Variants in GRIK2 observed in about 807,000 individuals in gnomAD.
GRIK2 encodes the protein glutamate receptor ionotropic, kainate 2.
In GRIK2, 32 loss-of-function variants were observed where a neutral mutation model predicts 100.3. The observed-to-expected ratio is 0.32, with a 90% CI of 0.24 to 0.43. GRIK2 has a LOEUF of 0.43. GRIK2 is among the 20% of genes least tolerant of loss of function. The pLI, the probability that GRIK2 is intolerant of heterozygous loss-of-function variation, is 1.00. For missense variants in GRIK2, 843 were observed against 1,114.9 expected (o/e 0.76, Z 3.47); for synonymous variants, 417 against 389.4 (o/e 1.07, Z -0.83).
At chr6:102,002,757 C>T (rs932312653) in intron 14 of GRIK2, among the ~76,000 whole-genome samples, 2 of 150,512 alleles carry the variant, frequency 1.3e-5, no homozygotes, top group Non-Finnish European at 1.5e-5. Context: ...ATAAAAAAAA[C>T]TCTCATTACA....
intron 14 of GRIK2, among the ~76,000 whole-genome samples, chr6:101,983,109 G>T (rs758571006): frequency 6.6e-6 from 1 of 151,834 alleles, no homozygotes; most frequent in Admixed American, 6.6e-5. Flanking sequence ...TTATCAACGA[G>T]CTTGAACTTT....
intron 1 of GRIK2, among the ~76,000 whole-genome samples, chr6:101,398,006 T>C (rs1329779892): frequency 6.6e-6 from 1 of 152,100 alleles, no homozygotes; most frequent in Non-Finnish European, 1.5e-5. Context: ...ATTCTATTTC[T>C]GTACTTTATT....
At chr6:101,917,680 G>A (rs1398962362) in intron 12 of GRIK2, among the ~76,000 whole-genome samples, 3 of 150,542 alleles carry the variant, frequency 2.0e-5, no homozygotes, top group Admixed American at 6.7e-5. Flanking sequence ...TCAACAAAGT[G>A]TACCACTCCT....
chr6:101,707,554 G>GTA (rs1395563285), intron 7 of GRIK2, among the ~76,000 whole-genome samples: 2 of 117,254 alleles, frequency 1.7e-5, no homozygotes, highest in African/African-American at 3.9e-5. Flanking sequence ...GTATATATGT[G>GTA]TATATATATG....
chr6:101,445,278 G>T (rs914531248), intron 2 of GRIK2, among the ~76,000 whole-genome samples: 1 of 152,024 alleles, frequency 6.6e-6, no homozygotes, highest in Non-Finnish European at 1.5e-5. Flanking sequence ...AAAGCTGATG[G>T]TGGTTGTCTC....
chr6:101,922,343 T>C (rs1789609431), intron 12 of GRIK2, among the ~76,000 whole-genome samples: 1 of 151,932 alleles, frequency 6.6e-6, no homozygotes, highest in Non-Finnish European at 1.5e-5. Context: ...AGGAACTCTA[T>C]GAAAAAACTA....
Position 101,629,849 on chromosome 6 carries a change from A to G in GRIK2, c.541+3212A>G, listed in dbSNP as rs75887139. On this transcript the variant is annotated intron_variant, in intron 4 of 16. Coordinates refer to ENST00000369134, the MANE Select transcript of GRIK2 (RefSeq NM_021956.5). ...AGGGTATCCAATAGATAGTTTTTCA[A>G]CCCTTAACCTCTTCTCTCCCTCCCC... Among the ~76,000 whole-genome samples, 1,034 of 151,980 alleles carry G rather than the reference A, an allele frequency of 6.8e-3. 15 individuals are homozygous for G. Among genetic ancestry groups the G allele is most frequent in the African/African-American group, 0.024 (986 of 41,496 alleles).
intron 2 of GRIK2, among the ~76,000 whole-genome samples, chr6:101,500,366 T>G (rs1773682503): frequency 6.6e-6 from 1 of 152,022 alleles, no homozygotes; most frequent in South Asian, 2.1e-4. Context: ...GAATAAGATA[T>G]TTTTTTAAAT....
At chr6:101,481,453 A>G (rs1450955796) in intron 2 of GRIK2, among the ~76,000 whole-genome samples, 1 of 152,162 alleles carries the variant, frequency 6.6e-6, no homozygotes, top group Non-Finnish European at 1.5e-5. Flanking sequence ...TATTGATAAT[A>G]CCATATTTAG....
chr6:101,656,957 G>T (rs1294132933), intron 4 of GRIK2, among the ~76,000 whole-genome samples: 1 of 152,172 alleles, frequency 6.6e-6, no homozygotes, highest in Non-Finnish European at 1.5e-5. Flanking sequence ...GACTTCCAGG[G>T]TTTAAATCTG....
chr6:102,000,325 A>C (rs1292320020), intron 14 of GRIK2, among the ~76,000 whole-genome samples: 1 of 141,254 alleles, frequency 7.1e-6, no homozygotes, highest in African/African-American at 2.7e-5. Context: ...GGTCTGTTAC[A>C]TGGAAATATT....
chr6:101,744,055 G>T (rs1168267521), intron 7 of GRIK2, among the ~76,000 whole-genome samples: 1 of 152,060 alleles, frequency 6.6e-6, no homozygotes, highest in Non-Finnish European at 1.5e-5. Context: ...CCATTCTCCT[G>T]CTTCAGCCTC....
At chr6:101,981,939 G>T (rs1263908336) in intron 14 of GRIK2, among the ~76,000 whole-genome samples, 1 of 151,872 alleles carries the variant, frequency 6.6e-6, no homozygotes, top group Admixed American at 6.6e-5. Context: ...GAAAATCAAA[G>T]GTAGAATAAT....
At chr6:101,705,660 A>G (rs1299860683) in intron 7 of GRIK2, among the ~76,000 whole-genome samples, 1 of 151,838 alleles carries the variant, frequency 6.6e-6, no homozygotes, top group Non-Finnish European at 1.5e-5. Flanking sequence ...AATAAATTAA[A>G]ATAGTGACGG....
chr6:101,739,932 C>G (rs1447613144), intron 7 of GRIK2, among the ~76,000 whole-genome samples: 1 of 151,912 alleles, frequency 6.6e-6, no homozygotes, highest in Non-Finnish European at 1.5e-5. Context: ...TCATGATCAT[C>G]CCCCACCCTC....
intron 11 of GRIK2, among the ~76,000 whole-genome samples, chr6:101,869,488 T>G (rs963263897): frequency 6.6e-6 from 1 of 151,918 alleles, no homozygotes; most frequent in African/African-American, 2.4e-5. Context: ...AAATTCAGTT[T>G]GCAAAAGATA....
intron 11 of GRIK2, among the ~76,000 whole-genome samples, chr6:101,885,533 G>T (rs1290182352): frequency 6.6e-6 from 1 of 152,086 alleles, no homozygotes; most frequent in Non-Finnish European, 1.5e-5. Flanking sequence ...TTGTAGGGTT[G>T]TAGTGAGTAT....
In GRIK2 at chr6:101,532,270, T is replaced by C. The variant is rs115761578; in HGVS notation, c.116-89679T>C. Among the ~76,000 whole-genome samples the C allele has an allele frequency of 5.1e-3, 772 of 152,106 alleles. 4 individuals are homozygous for C. Among genetic ancestry groups the C allele is most frequent in the African/African-American group, 0.016 (685 of 41,534 alleles). ...TTCTATTCTGAAGAATTCCCATTCA[T>C]CTTTAGAACAAGCTCAGTTAACATT... On this transcript the variant is annotated intron_variant, in intron 2 of 16. Transcript: ENST00000369134.
intron 14 of GRIK2, among the ~76,000 whole-genome samples, chr6:102,000,725 C>G (rs1005542430): frequency 1.3e-5 from 2 of 152,040 alleles, no homozygotes; most frequent in African/African-American, 4.8e-5. Flanking sequence ...GTAAAATCTA[C>G]AATGGTGTCA....
Sources: allele counts gnomAD v4.1 joint callset (sites outside exome capture counted in the v4.1 genomes callset), GRCh38; gene constraint gnomAD v4.1.1; transcripts MANE v1.5; gene names NCBI Gene and HGNC (gene_info 2026-07-23, HGNC 2026-07-21).